Variants in DEPTOR observed in about 807,000 individuals in gnomAD.
DEPTOR encodes DEP domain-containing mTOR-interacting protein.
In DEPTOR, 41 loss-of-function variants were observed where a neutral mutation model predicts 41.6. The observed-to-expected ratio is 0.98, with a 90% CI of 0.77 to 1.28. The LOEUF (loss-of-function observed/expected upper bound fraction) is 1.28. Among genes scored for constraint, DEPTOR ranks in the 50% most tolerant of loss-of-function variants. DEPTOR has a pLI of 0.00. For missense variants in DEPTOR, 514 were observed against 527.9 expected, an observed-to-expected ratio of 0.97 and a Z score of 0.26; for synonymous variants, 195 against 192.3, an observed-to-expected ratio of 1.01 and a Z score of -0.12.
rs149546280 is a variant in DEPTOR at position 119,965,349 on chromosome 8, C to G, written c.543C>G (p.Thr181=). The change falls in exon 4 of 9, where the codon ACC becomes ACG. Residue 181 remains threonine (T), a synonymous_variant. Transcript: ENST00000286234. The part of the protein sequence containing the change: ...LDWLVQEGEA[T]TRKEAEQLCH... ...GGCTGGTTCAGGAAGGTGAGGCCACCACGAGGAAAGAGGCAGAGCAGCTTT... is the reference window on the plus strand; with the variant it reads ...GGCTGGTTCAGGAAGGTGAGGCCACGACGAGGAAAGAGGCAGAGCAGCTTT... 6.2e-7 allele frequency: 1 copy of G among 1,614,094 alleles called. No individual in the cohort carries two copies. The highest frequency in any genetic ancestry group is 8.5e-7 in the Non-Finnish European group (1 of 1,180,012).
chr8:119,975,763 C>T (rs947971231), intron 4 of DEPTOR, among the ~76,000 whole-genome samples: 2 of 151,826 alleles, frequency 1.3e-5, no homozygotes, highest in African/African-American at 2.4e-5. Context: ...AGGAGCCTGA[C>T]TGAAGCTTGG....
At chr8:120,027,454 T>C (rs930850672) in intron 8 of DEPTOR, among the ~76,000 whole-genome samples, 47 of 151,648 alleles carry the variant, frequency 3.1e-4, no homozygotes, top group African/African-American at 1.1e-3. Flanking sequence ...CCTGTAATCC[T>C]GGCATTTTGG....
rs191799453 is a variant in DEPTOR at position 119,913,127 on chromosome 8, G to C, written c.123-15273G>C. Among the ~76,000 whole-genome samples, 726 of 152,228 alleles carry C rather than the reference G, an allele frequency of 4.8e-3. 6 individuals are homozygous for C. Among genetic ancestry groups the C allele is most frequent in the African/African-American group, 0.016 (662 of 41,546 alleles). ...GTAGAGATGGGGTTTCACCCAGTTG[G>C]CCAGGCTGGTCTTGTACTCCTGACC... On this transcript the variant is annotated intron_variant, in intron 1 of 8. Coordinates refer to ENST00000286234, the MANE Select transcript of DEPTOR (RefSeq NM_022783.4).
At chr8:119,992,312 C>T (rs1301452740) in intron 4 of DEPTOR, among the ~76,000 whole-genome samples, 1 of 152,144 alleles carries the variant, frequency 6.6e-6, no homozygotes, top group Non-Finnish European at 1.5e-5. Context: ...ATCTTGATGA[C>T]CTCTGTAACT....
chr8:120,011,918 C>T (rs1471002248), intron 8 of DEPTOR, among the ~76,000 whole-genome samples: 1 of 152,140 alleles, frequency 6.6e-6, no homozygotes, highest in Non-Finnish European at 1.5e-5. Flanking sequence ...GCCTTTCCAT[C>T]ACTGTATTAT....
chr8:119,973,751 C>T (rs1339281231), intron 4 of DEPTOR, among the ~76,000 whole-genome samples: 1 of 152,224 alleles, frequency 6.6e-6, no homozygotes, highest in Non-Finnish European at 1.5e-5. Context: ...AGCACTTCAA[C>T]AATTTCAACA....
At chr8:119,975,479 A>G (rs947616480) in intron 4 of DEPTOR, among the ~76,000 whole-genome samples, 1 of 152,216 alleles carries the variant, frequency 6.6e-6, no homozygotes, top group African/African-American at 2.4e-5. Flanking sequence ...ATTTAGAGTC[A>G]AGGAGCACAG....
chr8:119,981,652 C>A (rs1221909302), intron 4 of DEPTOR, among the ~76,000 whole-genome samples: 21 of 136,872 alleles, frequency 1.5e-4, no homozygotes, highest in South Asian at 4.7e-4. Context: ...GACCCTATCT[C>A]AAAAAAAAAA....
chr8:120,019,546 G>A (rs1178869552), intron 8 of DEPTOR, among the ~76,000 whole-genome samples: 20 of 152,070 alleles, frequency 1.3e-4, no homozygotes, highest in Non-Finnish European at 1.5e-5. Context: ...CATTCCTCAC[G>A]CCCGTGTAAC....
At chr8:120,003,167 C>A in intron 6 of DEPTOR, 56 bp downstream of exon 6, 1 of 1,585,284 alleles carries the variant, frequency 6.3e-7, no homozygotes, top group African/African-American at 1.3e-5. Context: ...GGGCAGGTCC[C>A]TGGGAAGCAG....
intron 1 of DEPTOR, among the ~76,000 whole-genome samples, chr8:119,912,238 G>A (rs1327720475): frequency 6.6e-6 from 1 of 152,108 alleles, no homozygotes; most frequent in Non-Finnish European, 1.5e-5. Context: ...AAAATTGGAA[G>A]AGGAAAATAA....
At chr8:119,882,252 A>G (rs1311107990) in intron 1 of DEPTOR, among the ~76,000 whole-genome samples, 2 of 152,182 alleles carry the variant, frequency 1.3e-5, no homozygotes. Flanking sequence ...CAGCTTTGGA[A>G]TCAATAAAAC....
chr8:119,911,311 C>CTTTTTTTTTTTTTTTTTTTTTTTTTT (rs147066045), intron 1 of DEPTOR, among the ~76,000 whole-genome samples: 1 of 105,478 alleles, frequency 9.5e-6, no homozygotes, highest in African/African-American at 4.2e-5. Context: ...TACACACATT[C>CTTTTTTTTTTTTTTTTTTTTTTTTTT]TTTTTTTTTT....
chr8:120,030,432 C>T (rs1444785244), intron 8 of DEPTOR, among the ~76,000 whole-genome samples: 1 of 148,256 alleles, frequency 6.7e-6, no homozygotes, highest in Admixed American at 6.9e-5. Context: ...ATGTGCGACA[C>T]TAAGAGTGAC....
At chr8:119,983,105 A>C (rs1373761341) in intron 4 of DEPTOR, among the ~76,000 whole-genome samples, 3 of 152,240 alleles carry the variant, frequency 2.0e-5, no homozygotes, top group Non-Finnish European at 1.5e-5. Context: ...TCTAAGCTAG[A>C]TTTAAAAGCA....
chr8:119,887,396 TCCCCCTATCCCCATCCCCTC>T (rs1827382118), intron 1 of DEPTOR, among the ~76,000 whole-genome samples: 1 of 1,720 alleles, frequency 5.8e-4, no homozygotes, highest in African/African-American at 2.6e-3. Flanking sequence ...TCCTTTCCCC[TCCCCCTATCCCCATCCCCTC>T]CCCCCCTCCC....
At chr8:119,933,480 A>C (rs1320018073) in intron 3 of DEPTOR, among the ~76,000 whole-genome samples, 1 of 151,188 alleles carries the variant, frequency 6.6e-6, no homozygotes, top group Admixed American at 6.7e-5. Context: ...ACACACACAC[A>C]CACACACACA....
intron 1 of DEPTOR, among the ~76,000 whole-genome samples, chr8:119,882,882 A>G (rs925871335): frequency 6.6e-6 from 1 of 152,086 alleles, no homozygotes; most frequent in African/African-American, 2.4e-5. Context: ...TACCAAGGAG[A>G]GGTGGGTACC....
intron 8 of DEPTOR, among the ~76,000 whole-genome samples, chr8:120,039,751 CATTATT>C (rs1332915483): frequency 6.6e-6 from 1 of 152,098 alleles, no homozygotes; most frequent in Non-Finnish European, 1.5e-5. Flanking sequence ...TTTTGTCCAT[CATTATT>C]ATTATTAGTT....
Sources: allele counts gnomAD v4.1 joint callset (sites outside exome capture counted in the v4.1 genomes callset), GRCh38; gene constraint gnomAD v4.1.1; transcripts MANE v1.5; gene names NCBI Gene and HGNC (gene_info 2026-07-23, HGNC 2026-07-21).